The following RFPL1 variants were observed in gnomAD, a reference collection of about 807,000 sequenced individuals.
The protein encoded by RFPL1 is ret finger protein like 1.
In RFPL1, 6 loss-of-function variants were observed where a neutral mutation model predicts 9.6. That is an observed-to-expected ratio of 0.62 (90% CI 0.34 to 1.23). The LOEUF is 1.23. RFPL1 is among the 50% of genes most tolerant of loss of function. RFPL1 has a pLI of 0.03. For missense variants in RFPL1, 352 were observed against 398.4 expected (o/e 0.88, Z 0.99); for synonymous variants, 145 against 149.4 (o/e 0.97, Z 0.22).
the RFPL1 span, among the ~76,000 whole-genome samples, chr22:29,388,797 G>C: frequency 0.4 from 60,355 of 152,148 alleles, 13,348 homozygotes; most frequent in East Asian, 0.67. Context: ...GTCGTAGGGA[G>C]TTTGAAGTCC....
exon 2 of RFPL1, chr22:29,442,308 A>AG (rs1284752463): frequency 4.5e-6 from 2 of 442,302 alleles, no homozygotes; most frequent in Non-Finnish European, 7.9e-6. Context: ...TATTGCCACC[A>AG]TCCAACTCAT....
chr22:29,432,482 A>G, the RFPL1 span, among the ~76,000 whole-genome samples: 3 of 152,168 alleles, frequency 2.0e-5, no homozygotes, highest in Non-Finnish European at 2.9e-5. Flanking sequence ...AAACCAAAGT[A>G]TAAAAGAAAA....
chr22:29,412,526 T>G, the RFPL1 span, among the ~76,000 whole-genome samples: 5,621 of 152,134 alleles, frequency 0.037, 135 homozygotes, highest in South Asian at 0.069. Context: ...ACTTTGGAGA[T>G]GGTTTAACAT....
At chr22:29,442,003 C>T (rs61734567) in exon 2 of RFPL1, 1 of 1,614,146 alleles carries the variant, frequency 6.2e-7, no homozygotes, top group South Asian at 1.1e-5. Flanking sequence ...TGAGGAGCCA[C>T]TGCACTTGTT....
At chr22:29,418,206 G>C in the RFPL1 span, among the ~76,000 whole-genome samples, 5 of 152,102 alleles carry the variant, frequency 3.3e-5, no homozygotes, top group Non-Finnish European at 7.3e-5. Context: ...AGGATTACAG[G>C]TGTGAGCCAC....
chr22:29,437,004 G>A (rs2146364496), upstream of RFPL1: 1 of 152,444 alleles, frequency 6.6e-6, no homozygotes, highest in Admixed American at 6.5e-5. Context: ...ATGGAAGAAA[G>A]CACAACTCAC....
chr22:29,428,741 C>T, the RFPL1 span, among the ~76,000 whole-genome samples: 2 of 152,140 alleles, frequency 1.3e-5, no homozygotes, highest in Non-Finnish European at 1.5e-5. Context: ...GCTACTGAAC[C>T]ATTGGGTCAA....
chr22:29,421,679 T>C, the RFPL1 span, among the ~76,000 whole-genome samples: 83 of 151,454 alleles, frequency 5.5e-4, 1 homozygote, highest in South Asian at 0.014. Flanking sequence ...CCCTCCTCGG[T>C]AGCTCATGCC....
chr22:29,389,594 G>C, the RFPL1 span, among the ~76,000 whole-genome samples: 3 of 147,882 alleles, frequency 2.0e-5, no homozygotes, highest in Middle Eastern at 3.4e-3. Context: ...GCTGAGGCAG[G>C]AGAATGGCGT....
At chr22:29,416,074 A>C in the RFPL1 span, among the ~76,000 whole-genome samples, 1 of 152,106 alleles carries the variant, frequency 6.6e-6, no homozygotes, top group Admixed American at 6.5e-5. Flanking sequence ...CAACCCTATA[A>C]TGTAGAGAAT....
the RFPL1 span, among the ~76,000 whole-genome samples, chr22:29,405,559 T>A: frequency 1.3e-5 from 2 of 152,164 alleles, no homozygotes; most frequent in South Asian, 2.1e-4. Flanking sequence ...AAAGAAATAT[T>A]GGGGCAGCAG....
At chr22:29,437,748 T>A (rs1391680474), upstream of RFPL1, 4 of 1,575,136 alleles carry the variant, frequency 2.5e-6, no homozygotes, top group Non-Finnish European at 2.6e-6. Flanking sequence ...CATGCCTGTG[T>A]GTGTGTTTTT....
chr22:29,439,009 G>C (rs2062823537), exon 1 of RFPL1: 2 of 1,614,036 alleles, frequency 1.2e-6, no homozygotes, highest in Non-Finnish European at 1.7e-6. Context: ...GAGCCCCATG[G>C]GGAGGATCTA....
chr22:29,394,311 T>TG, the RFPL1 span, among the ~76,000 whole-genome samples: 1 of 150,098 alleles, frequency 6.7e-6, no homozygotes, highest in Non-Finnish European at 1.5e-5. Flanking sequence ...GTGCCACCAC[T>TG]CCTGGCTAAT....
At chr22:29,440,077 T>G (rs911006580) in intron 1 of RFPL1, 1 of 152,176 alleles carries the variant, frequency 6.6e-6, no homozygotes, top group Non-Finnish European at 1.5e-5. Context: ...ATAGGGACAT[T>G]TAAATGAAGA....
the RFPL1 span, among the ~76,000 whole-genome samples, chr22:29,427,779 A>C: frequency 6.6e-6 from 1 of 151,922 alleles, no homozygotes; most frequent in East Asian, 1.9e-4. Context: ...GATATTTGCC[A>C]TGTTGGCCTC....
chr22:29,396,219 A>T, the RFPL1 span, among the ~76,000 whole-genome samples: 4 of 152,188 alleles, frequency 2.6e-5, no homozygotes, highest in African/African-American at 9.6e-5. Flanking sequence ...GGCAGTCCCC[A>T]CTGCAACAGT....
chr22:29,407,470 A>T, the RFPL1 span, among the ~76,000 whole-genome samples: 2 of 151,826 alleles, frequency 1.3e-5, no homozygotes, highest in African/African-American at 4.8e-5. Flanking sequence ...ACTTGCTTGT[A>T]TGGTAAGACT....
chr22:29,431,455 T>C, the RFPL1 span, among the ~76,000 whole-genome samples: 2 of 152,200 alleles, frequency 1.3e-5, no homozygotes, highest in Admixed American at 6.5e-5. Flanking sequence ...TTTCTCTCTT[T>C]GACCTATTCA....
Sources: gnomAD v4.1 joint callset for allele counts (sites outside exome capture counted in the v4.1 genomes callset) on GRCh38, gnomAD v4.1.1 for gene constraint, MANE v1.5 for transcripts, NCBI Gene and HGNC (gene_info 2026-07-23, HGNC 2026-07-21) for gene names.